ROBO1: variants seen among roughly 807,000 people sequenced by gnomAD.
ROBO1 encodes the protein roundabout guidance receptor 1.
A neutral mutation model predicts 195.9 loss-of-function variants in ROBO1; 149 were observed. The ratio of observed to expected loss-of-function variants is 0.76; its 90% CI spans 0.67 to 0.87. The LOEUF (loss-of-function observed/expected upper bound fraction) is 0.87. Among genes scored for constraint, ROBO1 ranks in the 40% least tolerant of loss-of-function variants. ROBO1 has a pLI of 0.00. For synonymous variants in ROBO1, 816 were observed against 733.2 expected, an observed-to-expected ratio of 1.11 and a Z score of -1.82; for missense variants, 1,933 against 2,068.3, an observed-to-expected ratio of 0.93 and a Z score of 1.27.
At chr3:79,523,863 T>C (rs1188862576) in intron 2 of ROBO1, among the ~76,000 whole-genome samples, 1 of 152,144 alleles carries the variant, frequency 6.6e-6, no homozygotes, top group Non-Finnish European at 1.5e-5. Context: ...CAGAAAATTA[T>C]TCAGTATTGT....
intron 2 of ROBO1, among the ~76,000 whole-genome samples, chr3:79,445,976 T>C (rs2039241640): frequency 6.6e-6 from 1 of 151,998 alleles, no homozygotes; most frequent in African/African-American, 2.4e-5. Context: ...TTTAAACTTT[T>C]TCATAGACAC....
At chr3:79,193,484 G>C (rs1016259959) in intron 2 of ROBO1, among the ~76,000 whole-genome samples, 1 of 151,236 alleles carries the variant, frequency 6.6e-6, no homozygotes, top group Non-Finnish European at 1.5e-5. Context: ...ATGGCAGTCA[G>C]GATTCAGAGT....
At chr3:79,476,671 C>T (rs1938560952) in intron 2 of ROBO1, among the ~76,000 whole-genome samples, 1 of 151,940 alleles carries the variant, frequency 6.6e-6, no homozygotes, top group Non-Finnish European at 1.5e-5. Context: ...AATGGAAAAT[C>T]AAACATCATT....
intron 3 of ROBO1, among the ~76,000 whole-genome samples, chr3:79,124,943 C>T (rs1052055275): frequency 6.6e-6 from 1 of 151,806 alleles, no homozygotes; most frequent in Non-Finnish European, 1.5e-5. Context: ...TTTCAGAAGT[C>T]GTTGGTGTAT....
At chr3:79,029,418 A>C (rs2078255689) in intron 3 of ROBO1, among the ~76,000 whole-genome samples, 1 of 152,154 alleles carries the variant, frequency 6.6e-6, no homozygotes, top group African/African-American at 2.4e-5. Context: ...ATCTGTCTTA[A>C]ATAATGGTGA....
chr3:78,599,903 CAAAT>C, intron 30 of ROBO1: 2 of 595,798 alleles, frequency 3.4e-6, no homozygotes, highest in East Asian at 5.8e-5. Flanking sequence ...CCTAGCTAAA[CAAAT>C]AAACTGCCAT....
At chr3:79,376,850 T>C (rs995957272) in intron 2 of ROBO1, among the ~76,000 whole-genome samples, 5 of 152,132 alleles carry the variant, frequency 3.3e-5, no homozygotes, top group African/African-American at 9.7e-5. Context: ...GAGCATTTGA[T>C]AGGAAGGAAT....
intron 8 of ROBO1, among the ~76,000 whole-genome samples, chr3:78,713,728 G>A (rs2081825778): frequency 6.6e-6 from 1 of 152,138 alleles, no homozygotes; most frequent in Non-Finnish European, 1.5e-5. Context: ...CTTAAGACGT[G>A]ACTTTGACTT....
chr3:78,693,025 GAT>G (rs939101794), intron 8 of ROBO1: 53 of 224,986 alleles, frequency 2.4e-4, no homozygotes, highest in Middle Eastern at 1.5e-3. Context: ...TTAATCTTAC[GAT>G]ATATATATAT....
intron 1 of ROBO1, among the ~76,000 whole-genome samples, chr3:79,729,965 C>T (rs1703078191): frequency 6.6e-6 from 1 of 152,148 alleles, no homozygotes; most frequent in Admixed American, 6.5e-5. Context: ...TCTTGCCAAC[C>T]ATTGTCCTTT....
intron 22 of ROBO1, among the ~76,000 whole-genome samples, chr3:78,637,826 G>C (rs1705617380): frequency 6.6e-6 from 1 of 152,110 alleles, no homozygotes; most frequent in Non-Finnish European, 1.5e-5. Context: ...CATGCAGACT[G>C]CTCTATGATT....
At chr3:79,643,488 A>T (rs13100497) in intron 1 of ROBO1, among the ~76,000 whole-genome samples, 1 of 152,200 alleles carries the variant, frequency 6.6e-6, no homozygotes, top group East Asian at 1.9e-4. Context: ...ATCTATAGAA[A>T]CAATAATTAA....
At chr3:79,484,811 TGGCATGATCTC>T in intron 2 of ROBO1, among the ~76,000 whole-genome samples, 1 of 125,598 alleles carries the variant, frequency 8.0e-6, no homozygotes, top group South Asian at 2.9e-4. Context: ...CAGAGTGCAG[TGGCATGATCTC>T]GGCTCACTGC....
intron 2 of ROBO1, among the ~76,000 whole-genome samples, chr3:79,444,267 C>T (rs753397885): frequency 1.3e-5 from 2 of 151,746 alleles, no homozygotes; most frequent in African/African-American, 2.4e-5. Flanking sequence ...ATAAAGAACT[C>T]CCAATGTAAA....
chr3:79,563,163 G>A (rs1337658527), intron 2 of ROBO1, among the ~76,000 whole-genome samples: 2 of 151,922 alleles, frequency 1.3e-5, no homozygotes, highest in Non-Finnish European at 2.9e-5. Context: ...TTTTCTTTGT[G>A]GCACTATTTG....
At chr3:79,546,168 A>G (rs1942257643) in intron 2 of ROBO1, among the ~76,000 whole-genome samples, 1 of 152,070 alleles carries the variant, frequency 6.6e-6, no homozygotes, top group Non-Finnish European at 1.5e-5. Flanking sequence ...TTTAATGTAT[A>G]GTAAATATTT....
At chr3:79,397,589 C>A (rs1365835631) in intron 2 of ROBO1, among the ~76,000 whole-genome samples, 1 of 152,096 alleles carries the variant, frequency 6.6e-6, no homozygotes, top group Non-Finnish European at 1.5e-5. Context: ...GCCTTAAATT[C>A]AAAACAAGCA....
intron 2 of ROBO1, among the ~76,000 whole-genome samples, chr3:79,244,613 C>G (rs1435557383): frequency 1.3e-5 from 2 of 151,848 alleles, no homozygotes; most frequent in Non-Finnish European, 2.9e-5. Context: ...GTAGCTACAC[C>G]CACAGGCGGT....
intron 4 of ROBO1, among the ~76,000 whole-genome samples, chr3:78,751,145 T>C (rs1031351625): frequency 1.3e-5 from 2 of 152,166 alleles, no homozygotes; most frequent in African/African-American, 4.8e-5. Flanking sequence ...TCATTGTGAA[T>C]ATTTGTGAAC....
Sources: gnomAD v4.1 joint callset for allele counts (sites outside exome capture counted in the v4.1 genomes callset) on GRCh38, gnomAD v4.1.1 for gene constraint, MANE v1.5 for transcripts, NCBI Gene and HGNC (gene_info 2026-07-23, HGNC 2026-07-21) for gene names.